Variants in ITGA6 observed in about 807,000 individuals in gnomAD.
ITGA6 encodes integrin subunit alpha 6.
ITGA6 carries 63 observed loss-of-function variants against 133.6 expected under a neutral mutation model. The observed-to-expected ratio is 0.47, with a 90% CI of 0.38 to 0.58. The LOEUF (loss-of-function observed/expected upper bound fraction) is 0.58. Among genes scored for constraint, ITGA6 ranks in the 20% least tolerant of loss-of-function variants. The pLI, the probability that ITGA6 is intolerant of heterozygous loss-of-function variation, is 0.00. For missense variants in ITGA6, 1,068 were observed against 1,309.4 expected, an observed-to-expected ratio of 0.82 and a Z score of 2.85; for synonymous variants, 434 against 482.0, an observed-to-expected ratio of 0.90 and a Z score of 1.30.
Position 172,505,606 on chromosome 2 carries a change from A to G in ITGA6, c.*1538A>G, listed in dbSNP as rs1687527845. ...TTTTTTTTAATTACCATGCTTCACA[A>G]TGTTAAGTTATATGGGGAGCAACAG... On this transcript the variant is annotated 3_prime_UTR_variant, in exon 26 of 26. Transcript: ENST00000684293. The G allele has an allele frequency of 6.6e-6, 1 of 152,580 alleles. No homozygotes were observed. The highest frequency in any genetic ancestry group is 1.5e-5 in the Non-Finnish European group (1 of 68,022). 9.5% of individuals were successfully genotyped at this position (152,580 alleles called of 1,614,324 possible).
chr2:172,480,151 G>T, intron 11 of ITGA6, 100 bp downstream of exon 11: 1 of 743,016 alleles, frequency 1.3e-6, no homozygotes. Context: ...GCCAACATGG[G>T]TCTGTCAATT....
At chr2:172,442,871 G>A (rs189231150) in intron 1 of ITGA6, among the ~76,000 whole-genome samples, 6 of 151,982 alleles carry the variant, frequency 3.9e-5, no homozygotes, top group Admixed American at 2.0e-4. Flanking sequence ...ACTTGTGGGC[G>A]CTGATTTTTT....
rs367666738 is a variant in ITGA6 at position 172,491,789 on chromosome 2, G to A, written c.2988+266G>A. ...ATTCAGAGAATGGGTGCACCTCACA[G>A]CCCTCTAGAAACCTGTGTCTTCTAC... On this transcript the variant is annotated intron_variant, in intron 23 of 25. Coordinates refer to ENST00000684293, the MANE Select transcript of ITGA6 (RefSeq NM_000210.4). The surrounding 1 kb of genome is among the most constrained non-coding windows in gnomAD (Gnocchi z 4.4). Among the ~76,000 whole-genome samples, 1 of 152,146 alleles carries A rather than the reference G, an allele frequency of 6.6e-6. No homozygotes were observed.
rs1371767135 is a variant in ITGA6 at position 172,480,847 on chromosome 2, C to T, written c.1549+796C>T. ...GTAGGTGTATATATTTATGGGGCAA[C>T]ACAGGATTTTTGACAAGAATTTTGA... On this transcript the variant is annotated intron_variant, in intron 11 of 25. Transcript: ENST00000684293. The T allele has an allele frequency of 2.0e-5, 3 of 152,144 alleles. No individual in the cohort carries two copies. In the East Asian group the frequency reaches 5.8e-4, roughly 29 times the overall value. The allele number at this position is 152,144 out of a possible 1,614,324, so 9.4% of individuals were successfully genotyped here.
chr2:172,471,255 G>A, intron 5 of ITGA6, 150 bp downstream of exon 5: 1 of 847,668 alleles, frequency 1.2e-6, no homozygotes, highest in Non-Finnish European at 1.9e-6. Flanking sequence ...TAAGCTTGGT[G>A]ATCTAGAGGC....
chr2:172,445,334 TTTTC>T (rs1475622375), intron 1 of ITGA6, among the ~76,000 whole-genome samples: 1 of 140,960 alleles, frequency 7.1e-6, no homozygotes. Flanking sequence ...TGTCTTTTTC[TTTTC>T]TTTTTTTTTT....
intron 13 of ITGA6, among the ~76,000 whole-genome samples, chr2:172,486,662 A>G (rs2737084): frequency 0.18 from 26,733 of 152,114 alleles, 2,947 homozygotes; most frequent in African/African-American, 0.31. Flanking sequence ...GTAGCCCTAT[A>G]AAGTTAGAAT....
At chr2:172,469,087 T>G (rs16860468) in intron 3 of ITGA6, 38 bp from the exon 4 acceptor site, 34,601 of 1,612,386 alleles carry the variant, frequency 0.021, 679 homozygotes, top group African/African-American at 0.083. Flanking sequence ...ACAAGGTTTA[T>G]AGACAAGAAT....
chr2:172,434,546 CG>C (rs1684239603), intron 1 of ITGA6, among the ~76,000 whole-genome samples: 1 of 152,126 alleles, frequency 6.6e-6, no homozygotes, highest in Non-Finnish European at 1.5e-5. Context: ...ATCCCACTGT[CG>C]CTTCATCTCA....
chr2:172,505,774 T>G lies in ITGA6; in HGVS notation c.*1706T>G, dbSNP rs1687535455. The stretch of plus-strand genomic sequence containing the variant: ...TTAAACCTTAAGATACTAAGGACGT[T>G]GTTTTGGTTGTACTTTGGAATTCTT... On this transcript the variant is annotated 3_prime_UTR_variant, in exon 26 of 26. Coordinates refer to ENST00000684293, the MANE Select transcript of ITGA6 (RefSeq NM_000210.4). 6.6e-6 allele frequency: 1 copy of G among 152,596 alleles called. No homozygotes were observed. Among genetic ancestry groups the G allele is most frequent in the Admixed American group, 6.5e-5 (1 of 15,272 alleles). 9.5% of individuals were successfully genotyped at this position (152,596 alleles called of 1,614,324 possible). A position where few individuals can be genotyped will look rare whatever the true frequency, so the allele number is the denominator to read the frequency against.
intron 1 of ITGA6, among the ~76,000 whole-genome samples, chr2:172,463,079 C>A (rs1407360706): frequency 6.6e-6 from 1 of 152,202 alleles, no homozygotes; most frequent in Non-Finnish European, 1.5e-5. Flanking sequence ...GGTTTCATGA[C>A]CTCATGACCT....
chr2:172,465,736 G>A (rs1280577200), intron 2 of ITGA6, 73 bp downstream of exon 2: 7 of 1,589,124 alleles, frequency 4.4e-6, no homozygotes, highest in Non-Finnish European at 6.0e-6. Context: ...GAGGAGAGTG[G>A]GGACAAACAT....
At position 172,446,561 on chromosome 2, in the gene ITGA6, G is replaced by C. The variant is rs1684776218; in HGVS notation, c.182+18591G>C. On this transcript the variant is annotated intron_variant, in intron 1 of 25. Transcript: ENST00000684293. ...TGTGCAAAGGTCAGGGATGGAAATGGTGAGCTCACAATCCAAGTGTGTACA... is the reference window on the plus strand; with the variant it reads ...TGTGCAAAGGTCAGGGATGGAAATGCTGAGCTCACAATCCAAGTGTGTACA... Among the ~76,000 whole-genome samples the C allele has an allele frequency of 2.6e-5, 4 of 152,200 alleles. No individual in the cohort carries two copies. The South Asian group carries it at 8.3e-4, about 31-fold the overall frequency.
At chr2:172,430,326 C>T (rs1011632845) in intron 1 of ITGA6, among the ~76,000 whole-genome samples, 3 of 152,174 alleles carry the variant, frequency 2.0e-5, no homozygotes, top group African/African-American at 4.8e-5. Context: ...GTGTCTTAAA[C>T]ATTCTGTGAT....
intron 1 of ITGA6, among the ~76,000 whole-genome samples, chr2:172,444,305 A>T (rs1331958930): frequency 6.6e-6 from 1 of 152,210 alleles, no homozygotes; most frequent in Non-Finnish European, 1.5e-5. Flanking sequence ...CATACACTAT[A>T]TTATCTCAGC....
At chr2:172,503,289 A>C (rs967383629) in intron 25 of ITGA6, 3 of 152,186 alleles carry the variant, frequency 2.0e-5, no homozygotes, top group African/African-American at 7.2e-5. Flanking sequence ...TTCTCAGTAA[A>C]AATATACTTT....
chr2:172,443,720 G>T (rs753580452), intron 1 of ITGA6, among the ~76,000 whole-genome samples: 1 of 152,234 alleles, frequency 6.6e-6, no homozygotes, highest in Non-Finnish European at 1.5e-5. Context: ...GTAAGATTGC[G>T]TATAGTGTTT....
At chr2:172,475,523 TCTTA>T (rs1408133339) in intron 7 of ITGA6, 70 bp from the exon 8 acceptor site, 1 of 888,700 alleles carries the variant, frequency 1.1e-6, no homozygotes, top group Non-Finnish European at 1.9e-6. Context: ...GCTTGTGTCA[TCTTA>T]CTTTAAAACA....
intron 5 of ITGA6, chr2:172,472,939 A>C (rs760424077): frequency 8.0e-6 from 10 of 1,251,726 alleles, no homozygotes; most frequent in Non-Finnish European, 1.2e-5. Flanking sequence ...TGTGGTCATT[A>C]AATTTTTTTT....
Sources: allele counts gnomAD v4.1 joint callset (sites outside exome capture counted in the v4.1 genomes callset), GRCh38; gene constraint gnomAD v4.1.1; non-coding constraint Gnocchi (gnomAD v3.1); transcripts MANE v1.5; gene names NCBI Gene and HGNC (gene_info 2026-07-23, HGNC 2026-07-21).